CSNK1G3: variants seen among roughly 807,000 people sequenced by gnomAD.
CSNK1G3 encodes the protein casein kinase 1 gamma 3.
Under a neutral mutation model 64.3 loss-of-function variants are expected in CSNK1G3, and 23 were observed. The observed-to-expected ratio is 0.36, with a 90% CI of 0.26 to 0.51. CSNK1G3 has a LOEUF of 0.51. Among genes scored for constraint, CSNK1G3 ranks in the 20% least tolerant of loss-of-function variants. CSNK1G3 has a pLI of 0.96. For synonymous variants in CSNK1G3, 158 were observed against 162.2 expected (o/e 0.97, Z 0.20); for missense variants, 357 against 510.5 (o/e 0.70, Z 2.90).
At chr5:123,606,687 C>T (rs1795425061) in intron 12 of CSNK1G3, among the ~76,000 whole-genome samples, 1 of 152,138 alleles carries the variant, frequency 6.6e-6, no homozygotes, top group Non-Finnish European at 1.5e-5. Flanking sequence ...CCTCTTTTAT[C>T]TGTGTCCTAT....
chr5:123,611,172 C>T (rs1368485041), intron 12 of CSNK1G3, among the ~76,000 whole-genome samples: 1 of 152,088 alleles, frequency 6.6e-6, no homozygotes, highest in African/African-American at 2.4e-5. Context: ...TTACTTTTAT[C>T]TTAAGAAATA....
intron 10 of CSNK1G3, 36 bp from the exon 11 acceptor site, chr5:123,595,003 C>G (rs762126727): frequency 6.3e-7 from 1 of 1,575,994 alleles, no homozygotes; most frequent in Admixed American, 1.7e-5. Flanking sequence ...GGTTTTTCTT[C>G]TTCCATGCAT....
At chr5:123,616,758 G>A (rs1474647486) in exon 13 of CSNK1G3, 1 of 152,474 alleles carries the variant, frequency 6.6e-6, no homozygotes, top group Non-Finnish European at 1.5e-5. Flanking sequence ...AAAAATAAAA[G>A]TAGTTTTTTT....
intron 2 of CSNK1G3, among the ~76,000 whole-genome samples, chr5:123,549,275 T>C (rs951811736): frequency 1.3e-5 from 2 of 152,146 alleles, no homozygotes; most frequent in African/African-American, 4.8e-5. Flanking sequence ...AGCTAAAATA[T>C]AGGGTTGTAT....
At chr5:123,560,420 C>T (rs1451685802) in intron 4 of CSNK1G3, among the ~76,000 whole-genome samples, 1 of 152,148 alleles carries the variant, frequency 6.6e-6, no homozygotes, top group Non-Finnish European at 1.5e-5. Flanking sequence ...ATTGTACATT[C>T]ATGTTCATAG....
intron 4 of CSNK1G3, among the ~76,000 whole-genome samples, chr5:123,571,695 G>T (rs1427078845): frequency 6.6e-6 from 1 of 151,858 alleles, no homozygotes; most frequent in East Asian, 1.9e-4. Flanking sequence ...TAATAATAAT[G>T]TTATATTTAA....
At chr5:123,601,219 G>A (rs4836026) in intron 10 of CSNK1G3, among the ~76,000 whole-genome samples, 148,562 of 152,278 alleles carry the variant, frequency 0.98, 72,473 homozygotes, top group East Asian at 0.99. Context: ...CCTTCCAGGA[G>A]TATAATGATA....
At chr5:123,540,452 C>A (rs1414931137) in intron 1 of CSNK1G3, among the ~76,000 whole-genome samples, 1 of 152,024 alleles carries the variant, frequency 6.6e-6, no homozygotes, top group African/African-American at 2.4e-5. Flanking sequence ...CGATTAAAAA[C>A]TTTCTCTAAT....
intron 10 of CSNK1G3, 108 bp from the exon 12 acceptor site, chr5:123,604,616 A>G: frequency 1.8e-6 from 1 of 547,320 alleles, no homozygotes. Flanking sequence ...TCTAATTGAA[A>G]TACTTTAACA....
chr5:123,548,374 A>G lies in CSNK1G3; in HGVS notation c.178+2533A>G, dbSNP rs577141239. On this transcript the variant is annotated intron_variant, in intron 2 of 12. Transcript: ENST00000345990. ...TTCAGGAGCCTGAGGCAGAAGGATCACTTGAGCTGAGGAGTTTAAGGTTGC... is the reference window on the plus strand; with the variant it reads ...TTCAGGAGCCTGAGGCAGAAGGATCGCTTGAGCTGAGGAGTTTAAGGTTGC... 4.7e-5 allele frequency among the ~76,000 whole-genome samples: 7 copies of G among 149,544 alleles called. No individual in the cohort carries two copies. In the East Asian group the frequency reaches 6.0e-4, roughly 13 times the overall value.
At chr5:123,559,997 A>G (rs1785370348) in intron 4 of CSNK1G3, among the ~76,000 whole-genome samples, 1 of 152,148 alleles carries the variant, frequency 6.6e-6, no homozygotes, top group South Asian at 2.1e-4. Flanking sequence ...AGTAATATCC[A>G]GCATATATAA....
intron 12 of CSNK1G3, 23 bp downstream of exon 13, chr5:123,605,385 C>G: frequency 1.2e-6 from 2 of 1,607,968 alleles, no homozygotes; most frequent in South Asian, 1.1e-5. Context: ...TGTAGGCAGG[C>G]AGAAATAGCT....
intron 10 of CSNK1G3, among the ~76,000 whole-genome samples, chr5:123,597,159 G>GA (rs992431625): frequency 2.0e-5 from 3 of 151,968 alleles, no homozygotes; most frequent in Non-Finnish European, 4.4e-5. Flanking sequence ...GAGAGAAAGA[G>GA]AAAAAAACTT....
intron 1 of CSNK1G3, among the ~76,000 whole-genome samples, chr5:123,529,126 T>C (rs1003468483): frequency 2.0e-5 from 3 of 152,204 alleles, no homozygotes; most frequent in African/African-American, 7.2e-5. Context: ...AAAATTCATG[T>C]GTTAAATAAA....
chr5:123,531,974 G>A (rs904375610), intron 1 of CSNK1G3, among the ~76,000 whole-genome samples: 1 of 151,732 alleles, frequency 6.6e-6, no homozygotes, highest in East Asian at 1.9e-4. Flanking sequence ...TTCTCTTCCT[G>A]TAATTTTTGA....
intron 3 of CSNK1G3, among the ~76,000 whole-genome samples, chr5:123,553,423 T>A (rs1784061121): frequency 1.3e-5 from 2 of 152,186 alleles, no homozygotes; most frequent in African/African-American, 4.8e-5. Context: ...TATTTTTAAT[T>A]TAGGGAAGGA....
intron 1 of CSNK1G3, among the ~76,000 whole-genome samples, chr5:123,516,223 T>C (rs949188294): frequency 1.3e-5 from 2 of 152,214 alleles, no homozygotes; most frequent in African/African-American, 4.8e-5. Flanking sequence ...AGTATGGTTC[T>C]GGTAATTTAA....
chr5:123,535,363 C>G (rs948759677), intron 1 of CSNK1G3, among the ~76,000 whole-genome samples: 1 of 151,826 alleles, frequency 6.6e-6, no homozygotes, highest in African/African-American at 2.4e-5. Flanking sequence ...AATGTAAAGA[C>G]TATTCGTAGG....
At chr5:123,571,261 A>T (rs150408106) in intron 4 of CSNK1G3, among the ~76,000 whole-genome samples, 112 of 152,006 alleles carry the variant, frequency 7.4e-4, no homozygotes, top group Non-Finnish European at 1.3e-3. Flanking sequence ...TGATTACACT[A>T]TCTTTTTTTG....
Sources: gnomAD v4.1 joint callset for allele counts (sites outside exome capture counted in the v4.1 genomes callset) on GRCh38, gnomAD v4.1.1 for gene constraint, MANE v1.5 for transcripts, NCBI Gene and HGNC (gene_info 2026-07-23, HGNC 2026-07-21) for gene names.